ELF2: variants seen among roughly 807,000 people sequenced by gnomAD.
ELF2 encodes the protein E74 like ETS transcription factor 2.
In ELF2, 11 loss-of-function variants were observed where a neutral mutation model predicts 54.8. The ratio of observed to expected loss-of-function variants is 0.20; its 90% CI spans 0.13 to 0.33. The LOEUF is 0.33. Among genes scored for constraint, ELF2 ranks in the 10% least tolerant of loss-of-function variants. The pLI is 1.00. For synonymous variants in ELF2, 203 were observed against 245.1 expected (o/e 0.83, Z 1.61); for missense variants, 513 against 703.0 (o/e 0.73, Z 3.06).
intron 4 of ELF2, among the ~76,000 whole-genome samples, chr4:139,111,326 C>T (rs1263036692): frequency 6.6e-6 from 1 of 151,948 alleles, no homozygotes; most frequent in African/African-American, 2.4e-5. Flanking sequence ...TTAACTTACG[C>T]TGTCTAGTCC....
intron 7 of ELF2, chr4:139,067,437 C>T (rs994569069): frequency 7.0e-6 from 3 of 429,670 alleles, no homozygotes; most frequent in Admixed American, 6.8e-5. Context: ...ATCCTTTGGA[C>T]TTTTTCCAAG....
At chr4:139,119,586 C>G (rs1232789656) in intron 4 of ELF2, among the ~76,000 whole-genome samples, 1 of 152,208 alleles carries the variant, frequency 6.6e-6, no homozygotes, top group Non-Finnish European at 1.5e-5. Flanking sequence ...CCCCTTGGCC[C>G]ATGAGCCAAA....
chr4:139,074,675 G>A (rs950898264), intron 4 of ELF2, among the ~76,000 whole-genome samples: 4 of 151,374 alleles, frequency 2.6e-5, no homozygotes, highest in East Asian at 3.9e-4. Flanking sequence ...CAGGAGAATC[G>A]CTTGAACCTG....
intron 1 of ELF2, among the ~76,000 whole-genome samples, chr4:139,147,712 G>C (rs1739380533): frequency 6.6e-6 from 1 of 151,260 alleles, no homozygotes; most frequent in Non-Finnish European, 1.5e-5. Context: ...CTGACCTCAT[G>C]AGTTACCTGC....
chr4:139,059,626 A>G lies in ELF2; in HGVS notation c.1158-19T>C, dbSNP rs777247907. On this transcript the variant is annotated intron_variant, in intron 9 of 9. Coordinates refer to ENST00000686138, the MANE Select transcript of ELF2 (RefSeq NM_001331036.3). ...AACTGTCCTAGTACATTAGAAAGAA[A>G]AAAGCTGATTATATTTAATGCCAAC... is the stretch of plus-strand genomic sequence containing the variant. The G allele has an allele frequency of 8.8e-6, 14 of 1,591,968 alleles. No individual in the cohort carries two copies. The African/African-American group carries it at 1.1e-4, about 12-fold the overall frequency.
intron 3 of ELF2, among the ~76,000 whole-genome samples, chr4:139,128,813 T>C (rs971711206): frequency 2.4e-4 from 36 of 151,676 alleles, no homozygotes; most frequent in African/African-American, 8.2e-4. Context: ...TGGGCCACCA[T>C]ACCCAGCCTC....
intron 4 of ELF2, among the ~76,000 whole-genome samples, chr4:139,096,689 C>T (rs1578784385): frequency 6.7e-6 from 1 of 148,996 alleles, no homozygotes. Flanking sequence ...AGGCTGGTCT[C>T]GAACTCCTGG....
rs549538116 is a variant in ELF2 at position 139,163,826 on chromosome 4, A to T, written c.-252+13141T>A. On this transcript the variant is annotated intron_variant, in intron 1 of 9. Transcript: ENST00000686138. ...CTACTCAGGAGGCTGAGATGGGAGGATCACTTGAGCCCGCCAAGTTAAGCC... is the reference window on the plus strand; with the variant it reads ...CTACTCAGGAGGCTGAGATGGGAGGTTCACTTGAGCCCGCCAAGTTAAGCC... Among the ~76,000 whole-genome samples, 3 of 152,106 alleles carry T rather than the reference A, an allele frequency of 2.0e-5. No homozygotes were observed. The South Asian group carries it at 6.2e-4, about 32-fold the overall frequency.
intron 4 of ELF2, chr4:139,114,826 T>G (rs886556092): frequency 6.4e-7 from 1 of 1,570,064 alleles, no homozygotes; most frequent in Non-Finnish European, 8.7e-7. Flanking sequence ...GCCCTGCTCA[T>G]GGCACCAGGC....
intron 6 of ELF2, among the ~76,000 whole-genome samples, chr4:139,069,694 G>A (rs930199476): frequency 3.3e-5 from 5 of 152,122 alleles, no homozygotes; most frequent in Admixed American, 6.5e-5. Context: ...GTATATTAAA[G>A]GCTCTCAAAA....
In ELF2 at chr4:139,060,276, C is replaced by T. The variant is rs769344887; in HGVS notation, c.1157+48G>A. The T allele has an allele frequency of 6.1e-6, 9 of 1,468,218 alleles. No individual in the cohort carries two copies. The Admixed American group carries it at 1.3e-4, about 22-fold the overall frequency. The allele number at this position is 1,468,218 out of a possible 1,614,324, so 90.9% of individuals were successfully genotyped here. A position where few individuals can be genotyped will look rare whatever the true frequency, so the allele number is the denominator to read the frequency against. On this transcript the variant is annotated intron_variant, in intron 9 of 9. Transcript: ENST00000686138. ...GGACATTTTGTTTTCACCACGGAGA[C>T]TTTTTTAAAAAGTAAATACATTGTA...
At chr4:139,092,045 C>T (rs1367102228) in intron 4 of ELF2, among the ~76,000 whole-genome samples, 4 of 149,288 alleles carry the variant, frequency 2.7e-5, no homozygotes, top group Non-Finnish European at 5.9e-5. Context: ...GGGAAATAAC[C>T]ACAGATACAA....
intron 7 of ELF2, among the ~76,000 whole-genome samples, chr4:139,064,465 TTCAG>T (rs1464485214): frequency 3.3e-5 from 5 of 152,218 alleles, no homozygotes; most frequent in Non-Finnish European, 5.9e-5. Flanking sequence ...CCCCAACACC[TTCAG>T]TCAAAGTACT....
rs1358769320 is a variant in ELF2, at chr4:139,058,092, C to G, written c.*891G>C. ...ATGCTGAGCCTGAACTTCCAAGTGA[C>G]AGCAGAACTGAAAATGGTATGTCTG... On this transcript the variant is annotated 3_prime_UTR_variant, in exon 10 of 10. Transcript: ENST00000686138. 1 of 152,556 alleles carries G rather than the reference C, an allele frequency of 6.6e-6. No homozygotes were observed. The highest frequency in any genetic ancestry group is 2.4e-5 in the African/African-American group (1 of 41,510). 9.5% of individuals were successfully genotyped at this position (152,556 alleles called of 1,614,324 possible).
At position 139,174,105 on chromosome 4, in the gene ELF2, C is replaced by T. The variant is rs6839381; in HGVS notation, c.-252+2862G>A. ...AAAATTAGCCAGGTGTTGTGGCATG[C>T]GCCTGTGGCAGGAGAATCGCTTGAA... On this transcript the variant is annotated intron_variant, in intron 1 of 9. Transcript: ENST00000686138. 4.2e-3 allele frequency among the ~76,000 whole-genome samples: 616 copies of T among 148,286 alleles called. 7 individuals are homozygous for T. Among genetic ancestry groups the T allele is most frequent in the African/African-American group, 0.014 (576 of 40,250 alleles).
At chr4:139,082,036 T>G (rs547816496) in intron 4 of ELF2, among the ~76,000 whole-genome samples, 1 of 152,290 alleles carries the variant, frequency 6.6e-6, no homozygotes, top group African/African-American at 2.4e-5. Flanking sequence ...AAAGACAGTC[T>G]TTTATATACA....
intron 4 of ELF2, among the ~76,000 whole-genome samples, chr4:139,103,560 G>A (rs559071129): frequency 8.5e-5 from 13 of 152,328 alleles, no homozygotes; most frequent in Non-Finnish European, 1.8e-4. Context: ...AGTGTGGCAT[G>A]CCCAGCAAGG....
At chr4:139,169,808 G>T (rs1007649862) in intron 1 of ELF2, among the ~76,000 whole-genome samples, 2 of 146,018 alleles carry the variant, frequency 1.4e-5, no homozygotes, top group Non-Finnish European at 3.0e-5. Flanking sequence ...CATAAACTGA[G>T]ATCTCGCCAC....
chr4:139,157,821 T>G (rs1025567814), intron 1 of ELF2, among the ~76,000 whole-genome samples: 8 of 152,232 alleles, frequency 5.3e-5, no homozygotes, highest in African/African-American at 1.9e-4. Context: ...GACGATTTGT[T>G]CAACCTGTTT....
Sources: gnomAD v4.1 joint callset for allele counts (sites outside exome capture counted in the v4.1 genomes callset) on GRCh38, gnomAD v4.1.1 for gene constraint, MANE v1.5 for transcripts, NCBI Gene and HGNC (gene_info 2026-07-23, HGNC 2026-07-21) for gene names.